The following POLA1 variants were observed in gnomAD, a reference collection of about 807,000 sequenced individuals.
The protein encoded by POLA1 is DNA polymerase alpha catalytic subunit.
A neutral mutation model predicts 124.0 loss-of-function variants in POLA1; 15 were observed. The observed-to-expected ratio is 0.12, with a 90% CI of 0.08 to 0.19. The LOEUF is 0.19. Ranked by LOEUF, POLA1 falls within the 10% of genes least tolerant of loss-of-function variation. The pLI, the probability that POLA1 is intolerant of heterozygous loss-of-function variation, is 1.00. For missense variants in POLA1, 886 were observed against 1,103.4 expected, an observed-to-expected ratio of 0.80 and a Z score of 2.79; for synonymous variants, 408 against 389.4, an observed-to-expected ratio of 1.05 and a Z score of -0.56.
At chrX:24,976,906 A>C (rs1489649483) in intron 36 of POLA1, among the ~76,000 whole-genome samples, 2 of 112,155 alleles carry the variant, frequency 1.8e-5, no homozygotes, top group African/African-American at 6.5e-5. Context: ...ACCTCCAGCC[A>C]TGGTCCTCAG....
chrX:24,832,905 C>A (rs2046285873), intron 32 of POLA1, among the ~76,000 whole-genome samples: 1 of 111,819 alleles, frequency 8.9e-6, no homozygotes, highest in East Asian at 2.8e-4. Context: ...TACTAACTCA[C>A]CTTCATTTAT....
chrX:24,735,389 T>TA lies in POLA1; in HGVS notation c.1834-9dup, dbSNP rs746368334. The TA allele has an allele frequency of 3.6e-5, 42 of 1,154,888 alleles. No individual in the cohort carries two copies. In the African/African-American group the frequency reaches 4.4e-4, roughly 12 times the overall value. The stretch of plus-strand genomic sequence containing the variant: ...GAGTCGTCAGTGACTGGTGTGTTTT[T>TA]ATCTAACAGAATGTGAAGGTTGAGG... On this transcript the variant is annotated splice_polypyrimidine_tract_variant and intron_variant, in intron 17 of 36. Transcript: ENST00000379068.
intron 36 of POLA1, among the ~76,000 whole-genome samples, chrX:24,947,943 C>T (rs745540827): frequency 4.5e-5 from 5 of 112,027 alleles, no homozygotes; most frequent in African/African-American, 1.3e-4. Context: ...GGAGACTGAG[C>T]GAGTTAGAAA....
At chrX:24,967,962 A>G (rs923033150) in intron 36 of POLA1, among the ~76,000 whole-genome samples, 2 of 111,648 alleles carry the variant, frequency 1.8e-5, no homozygotes, top group Non-Finnish European at 3.8e-5. Flanking sequence ...AACTGCGAGC[A>G]CTAAATACAC....
chrX:24,781,056 G>T (rs1056933928), intron 26 of POLA1, among the ~76,000 whole-genome samples: 1 of 112,338 alleles, frequency 8.9e-6, no homozygotes, highest in African/African-American at 3.2e-5. Flanking sequence ...CAAGAAATTT[G>T]TCAGATTTAT....
intron 1 of POLA1, among the ~76,000 whole-genome samples, chrX:24,695,255 A>C (rs752102706): frequency 9.0e-6 from 1 of 111,425 alleles, no homozygotes; most frequent in South Asian, 3.8e-4. Flanking sequence ...CCAGATGGTA[A>C]TTTTGAAACA....
intron 32 of POLA1, among the ~76,000 whole-genome samples, chrX:24,827,657 C>T (rs1215743102): frequency 8.9e-6 from 1 of 111,978 alleles, no homozygotes; most frequent in Non-Finnish European, 1.9e-5. Flanking sequence ...GGTTTCAGTG[C>T]TGGTTCTGCT....
At chrX:24,856,107 C>T (rs764523815) in intron 34 of POLA1, among the ~76,000 whole-genome samples, 16 of 111,806 alleles carry the variant, frequency 1.4e-4, no homozygotes, top group Non-Finnish European at 2.3e-4. Context: ...TTCATACATT[C>T]ACCACCACAA....
intron 26 of POLA1, among the ~76,000 whole-genome samples, chrX:24,783,497 T>C (rs1001495521): frequency 8.9e-6 from 1 of 112,145 alleles, no homozygotes; most frequent in Non-Finnish European, 1.9e-5. Flanking sequence ...GTACTATAAA[T>C]TTTTGGCCTG....
intron 36 of POLA1, among the ~76,000 whole-genome samples, chrX:24,938,773 G>A (rs1427423422): frequency 8.9e-6 from 1 of 112,325 alleles, no homozygotes; most frequent in Non-Finnish European, 1.9e-5. Flanking sequence ...TGCCTGTTTT[G>A]TTTTTGTTTT....
chrX:24,940,243 A>T (rs1460153415), intron 36 of POLA1, among the ~76,000 whole-genome samples: 1 of 112,049 alleles, frequency 8.9e-6, no homozygotes, highest in East Asian at 2.8e-4. Context: ...ACAGTGAAAC[A>T]ATAGTCATGA....
At chrX:24,938,668 G>C (rs1009070620) in intron 36 of POLA1, among the ~76,000 whole-genome samples, 3 of 112,574 alleles carry the variant, frequency 2.7e-5, no homozygotes, top group African/African-American at 9.7e-5. Flanking sequence ...ACTTTTCTGT[G>C]ATGTTTTTAT....
intron 36 of POLA1, among the ~76,000 whole-genome samples, 177 bp downstream of exon 36, chrX:24,930,726 C>T (rs2047763787): frequency 8.9e-6 from 1 of 112,243 alleles, no homozygotes; most frequent in Non-Finnish European, 1.9e-5. Flanking sequence ...TAGGAATCCC[C>T]AGCTTTGGCC....
Position 24,717,641 on chromosome X carries a change from T to G in POLA1, c.970T>G (p.Ser324Ala). Residue 324 changes from serine to alanine, a missense_variant, in exon 10 of 37, where the codon TCA (serine) becomes GCA (alanine). Ser to Ala is a moderately conservative substitution (Grantham distance 99). Coordinates refer to ENST00000379068, the MANE Select transcript of POLA1 (RefSeq NM_001330360.2). ...TGATCAAGAAGGTGATAGCAGTTTC[T>G]CAGTGCAAGAAGTTCAAGTGGATTC... ...DIDQEGDSSF[S>A]VQEVQVDSSH... is the part of the protein sequence containing the mutation. The G allele has an allele frequency of 1.7e-6, 2 of 1,208,082 alleles. No individual in the cohort carries two copies. The highest frequency in any genetic ancestry group is 2.2e-6 in the Non-Finnish European group (2 of 892,188).
At chrX:24,882,408 T>C (rs768953486) in intron 34 of POLA1, among the ~76,000 whole-genome samples, 1 of 110,956 alleles carries the variant, frequency 9.0e-6, no homozygotes, top group African/African-American at 3.3e-5. Context: ...AGGTTTGGGG[T>C]ACAAATAATC....
At chrX:24,811,577 G>A (rs975528081) in intron 28 of POLA1, among the ~76,000 whole-genome samples, 2 of 110,894 alleles carry the variant, frequency 1.8e-5, no homozygotes, top group African/African-American at 3.3e-5. Flanking sequence ...ATGAGCCACC[G>A]CGCCTGGCCC....
chrX:24,957,923 T>C (rs2048125300), intron 36 of POLA1, among the ~76,000 whole-genome samples: 1 of 110,483 alleles, frequency 9.1e-6, no homozygotes, highest in South Asian at 4.0e-4. Flanking sequence ...GGGAGAGAGG[T>C]GGCTTGAATT....
At chrX:24,903,281 A>G (rs2047307211) in intron 35 of POLA1, among the ~76,000 whole-genome samples, 1 of 112,906 alleles carries the variant, frequency 8.9e-6, no homozygotes, top group Non-Finnish European at 1.9e-5. Context: ...AACCAACTGT[A>G]TCTCGTTTTG....
intron 36 of POLA1, among the ~76,000 whole-genome samples, chrX:24,972,027 G>C (rs2048309217): frequency 9.2e-6 from 1 of 108,822 alleles, no homozygotes; most frequent in Non-Finnish European, 1.9e-5. Context: ...GGAGTGCAAT[G>C]GCACGTTCTT....
Sources: gnomAD v4.1 joint callset for allele counts (sites outside exome capture counted in the v4.1 genomes callset) on GRCh38, gnomAD v4.1.1 for gene constraint, MANE v1.5 for transcripts, NCBI Gene and HGNC (gene_info 2026-07-23, HGNC 2026-07-21) for gene names.